The following POLN variants were observed in gnomAD, a reference collection of about 807,000 sequenced individuals.
POLN encodes DNA polymerase N.
Under a neutral mutation model 113.5 loss-of-function variants are expected in POLN, and 108 were observed. That is an observed-to-expected ratio of 0.95 (90% CI 0.81 to 1.12). The LOEUF is 1.12. Among genes scored for constraint, POLN ranks in the 50% most tolerant of loss-of-function variants. The pLI, the probability that POLN is intolerant of heterozygous loss-of-function variation, is 0.00. For synonymous variants in POLN, 386 were observed against 391.5 expected (o/e 0.99, Z 0.17); for missense variants, 1,097 against 1,077.1 (o/e 1.02, Z -0.26).
intron 3 of POLN, among the ~76,000 whole-genome samples, chr4:2,218,487 A>G (rs1256618877): frequency 6.6e-6 from 1 of 151,916 alleles, no homozygotes; most frequent in Admixed American, 6.6e-5. Flanking sequence ...GCAAGGGGAT[A>G]TCCTACCTAT....
At chr4:2,214,119 C>G (rs1311322503) in intron 3 of POLN, among the ~76,000 whole-genome samples, 1 of 152,032 alleles carries the variant, frequency 6.6e-6, no homozygotes, top group African/African-American at 2.4e-5. Flanking sequence ...ACCTGCAATC[C>G]CATCTACTTG....
rs531902266 is a variant in POLN, at chr4:2,208,486, T to A, written c.215A>T (p.Asp72Val). Residue 72 changes from aspartate to valine, a missense_variant and splice_region_variant, in exon 5 of 26, where the codon GAT (aspartate) becomes GTT (valine). Coordinates refer to ENST00000511885, the MANE Select transcript of POLN (RefSeq NM_181808.4). Reference protein sequence around the residue: ...DRKTQSPEKKDLKSLRSQTSR... With the variant: ...DRKTQSPEKKVLKSLRSQTSR... Reference sequence around the variant, plus strand: ...TGTCTGACTTCTTAAAGATTTAAGATCCTACAGAAAAATGGAAAATATTTC... The same window carrying A: ...TGTCTGACTTCTTAAAGATTTAAGAACCTACAGAAAAATGGAAAATATTTC... The A allele has an allele frequency of 8.4e-4, 1,273 of 1,524,184 alleles. 11 individuals carry two copies. In the South Asian group the frequency reaches 0.015, roughly 18 times the overall value. The allele number at this position is 1,524,184 out of a possible 1,614,324, so 94.4% of individuals were successfully genotyped here. A position where few individuals can be genotyped will look rare whatever the true frequency, so the allele number is the denominator to read the frequency against.
At chr4:2,079,902 T>G (rs1389457133) in intron 23 of POLN, 2 of 985,534 alleles carry the variant, frequency 2.0e-6, no homozygotes, top group African/African-American at 3.5e-5. Flanking sequence ...AATCTTCTAA[T>G]GCCCCACTCC....
chr4:2,117,825 C>T (rs989070602), intron 19 of POLN, among the ~76,000 whole-genome samples: 9 of 152,188 alleles, frequency 5.9e-5, no homozygotes, highest in African/African-American at 2.2e-4. Flanking sequence ...CTTCCTTTTC[C>T]ATTACCTTTC....
chr4:2,207,482 G>A (rs185010025), intron 5 of POLN, among the ~76,000 whole-genome samples: 135 of 151,944 alleles, frequency 8.9e-4, no homozygotes, highest in African/African-American at 3.0e-3. Flanking sequence ...ATTGGGAGAC[G>A]TATAAATAAT....
intron 19 of POLN, among the ~76,000 whole-genome samples, chr4:2,106,382 T>C (rs1321636416): frequency 6.6e-6 from 1 of 152,224 alleles, no homozygotes; most frequent in Non-Finnish European, 1.5e-5. Flanking sequence ...GCAAGACTCC[T>C]AGACTTTAGA....
intron 19 of POLN, among the ~76,000 whole-genome samples, chr4:2,102,921 C>T (rs1730963787): frequency 6.6e-6 from 1 of 152,174 alleles, no homozygotes; most frequent in East Asian, 1.9e-4. Context: ...GGAACCCCCA[C>T]ACTCAAATGA....
At chr4:2,089,026 G>C (rs1414292795) in intron 20 of POLN, 1 of 878,482 alleles carries the variant, frequency 1.1e-6, no homozygotes, top group Non-Finnish European at 1.9e-6. Flanking sequence ...TAGCAAAATT[G>C]GATTTCTTCC....
At chr4:2,240,047 T>A (rs201154099) in intron 2 of POLN, 1 of 1,612,420 alleles carries the variant, frequency 6.2e-7, no homozygotes. Context: ...CCTTGCTGGT[T>A]AGGCTGTGAA....
chr4:2,095,528 G>A (rs1730767574), intron 20 of POLN, among the ~76,000 whole-genome samples: 1 of 152,244 alleles, frequency 6.6e-6, no homozygotes. Context: ...CTTGGCATGT[G>A]TGTGGACGAG....
intron 20 of POLN, 104 bp downstream of exon 20, chr4:2,095,747 G>C (rs942812472): frequency 2.0e-6 from 2 of 1,016,754 alleles, no homozygotes; most frequent in African/African-American, 3.2e-5. Flanking sequence ...ACAACACCCA[G>C]GGACTCACAG....
intron 2 of POLN, 78 bp downstream of exon 2, chr4:2,241,442 C>T: frequency 1.0e-6 from 1 of 952,726 alleles, no homozygotes; most frequent in Non-Finnish European, 1.3e-6. Flanking sequence ...GGCTAGGCAG[C>T]CTCTCTTCCC....
At chr4:2,189,836 CTGGCCAACATGG>C (rs1212254669) in intron 7 of POLN, among the ~76,000 whole-genome samples, 1 of 151,670 alleles carries the variant, frequency 6.6e-6, no homozygotes, top group Non-Finnish European at 1.5e-5. Flanking sequence ...CAAGACCATC[CTGGCCAACATGG>C]TGAAACCCCG....
At chr4:2,073,378 T>C (rs1730199438) in intron 24 of POLN, among the ~76,000 whole-genome samples, 1 of 152,074 alleles carries the variant, frequency 6.6e-6, no homozygotes, top group African/African-American at 2.4e-5. Context: ...CTGGGGGCCA[T>C]GGGGTGGGGC....
In POLN at chr4:2,225,216, C is replaced by CA. The variant is rs556006562; in HGVS notation, c.133+3882dup. ...ACAATAAGGGAGAGGGTTCGACAAG[C>CA]AAAAAAAACCTTGAACCTTCTCACA... On this transcript the variant is annotated intron_variant, in intron 3 of 25. Transcript: ENST00000511885. Among the ~76,000 whole-genome samples the CA allele has an allele frequency of 2.5e-3, 377 of 151,010 alleles. 1 individual carries two copies. The highest frequency in any genetic ancestry group is 8.9e-3 in the African/African-American group (367 of 41,174).
chr4:2,094,229 C>G (rs898071019), intron 20 of POLN, among the ~76,000 whole-genome samples: 1 of 151,832 alleles, frequency 6.6e-6, no homozygotes, highest in Non-Finnish European at 1.5e-5. Context: ...TGCCTGTCAC[C>G]CCAGCTACTC....
At chr4:2,076,867 T>C (rs1730288687) in intron 23 of POLN, 1 of 152,482 alleles carries the variant, frequency 6.6e-6, no homozygotes, top group Admixed American at 6.5e-5. Flanking sequence ...GCCCTTCCTC[T>C]CTTTCTTCAT....
chr4:2,161,728 C>G (rs1005126681), intron 13 of POLN, among the ~76,000 whole-genome samples: 7 of 152,246 alleles, frequency 4.6e-5, no homozygotes, highest in Non-Finnish European at 1.5e-5. Context: ...GCCAGCTGGG[C>G]TCCTGAGTCT....
At chr4:2,136,490 T>C (rs980401253) in intron 16 of POLN, among the ~76,000 whole-genome samples, 1 of 152,244 alleles carries the variant, frequency 6.6e-6, no homozygotes, top group Non-Finnish European at 1.5e-5. Context: ...TCTGTTTTCA[T>C]GGTGAACTTG....
Sources: gnomAD v4.1 joint callset for allele counts (sites outside exome capture counted in the v4.1 genomes callset) on GRCh38, gnomAD v4.1.1 for gene constraint, MANE v1.5 for transcripts, NCBI Gene and HGNC (gene_info 2026-07-23, HGNC 2026-07-21) for gene names.